Variants in BEND6 observed in about 807,000 individuals in gnomAD.
BEND6 encodes BEN domain-containing protein 6.
A neutral mutation model predicts 31.8 loss-of-function variants in BEND6; 24 were observed. That is an observed-to-expected ratio of 0.75 (90% CI 0.55 to 1.06). The LOEUF (loss-of-function observed/expected upper bound fraction) is 1.06, where lower values mean the gene tolerates loss of function less well. Among genes scored for constraint, BEND6 ranks in the 50% least tolerant of loss-of-function variants. The probability of loss-of-function intolerance (pLI) is 0.00; values close to 1 mark genes in which losing one functional copy is unlikely to be tolerated. For missense variants in BEND6, 294 were observed against 327.4 expected (o/e 0.90, Z 0.79); for synonymous variants, 109 against 114.6 (o/e 0.95, Z 0.31).
chr6:56,975,956 A>T (rs1562539321), intron 1 of BEND6: 1 of 528,446 alleles, frequency 1.9e-6, no homozygotes, highest in East Asian at 5.1e-5. Context: ...CAGAGCATAC[A>T]CAGTCATGGT....
chr6:56,995,639 T>C (rs1234250704), intron 3 of BEND6, among the ~76,000 whole-genome samples: 1 of 152,140 alleles, frequency 6.6e-6, no homozygotes, highest in Non-Finnish European at 1.5e-5. Context: ...ATAACCCCAA[T>C]CTTCACAGGA....
chr6:57,016,212 AT>A (rs1460377716), intron 4 of BEND6, among the ~76,000 whole-genome samples: 2 of 152,172 alleles, frequency 1.3e-5, no homozygotes. Context: ...TTTTGTTAGA[AT>A]CAGGTAGCCT....
At chr6:56,990,249 C>CTTTTTT (rs943959318) in intron 2 of BEND6, among the ~76,000 whole-genome samples, 12 of 110,158 alleles carry the variant, frequency 1.1e-4, no homozygotes, top group Admixed American at 1.9e-4. Context: ...CCACTCGCTT[C>CTTTTTT]TTTTTTTTTT....
chr6:56,996,771 A>G (rs1210199708), intron 3 of BEND6, among the ~76,000 whole-genome samples: 1 of 152,156 alleles, frequency 6.6e-6, no homozygotes, highest in Non-Finnish European at 1.5e-5. Flanking sequence ...TTTGCCTTCA[A>G]AATATTTCTG....
At chr6:56,957,866 C>A (rs1013464426) in intron 1 of BEND6, among the ~76,000 whole-genome samples, 3 of 152,130 alleles carry the variant, frequency 2.0e-5, no homozygotes, top group Admixed American at 6.5e-5. Context: ...CCTTTAGATT[C>A]TCAACCAAAT....
chr6:56,986,810 T>C (rs1826293302), intron 2 of BEND6, among the ~76,000 whole-genome samples: 1 of 152,140 alleles, frequency 6.6e-6, no homozygotes, highest in Non-Finnish European at 1.5e-5. Flanking sequence ...TGTTTCAGGG[T>C]GTCCCTTGGT....
intron 1 of BEND6, among the ~76,000 whole-genome samples, chr6:56,969,768 A>C (rs1459674722): frequency 6.6e-6 from 1 of 151,584 alleles, no homozygotes; most frequent in Non-Finnish European, 1.5e-5. Context: ...GTGGCTTTTG[A>C]ATTCCTGCAT....
intron 1 of BEND6, among the ~76,000 whole-genome samples, chr6:56,964,726 G>A (rs1239710053): frequency 2.0e-5 from 3 of 152,118 alleles, no homozygotes; most frequent in African/African-American, 7.2e-5. Context: ...GTAATTCTTG[G>A]CTTCAAGCAA....
At chr6:56,977,621 T>G (rs2127849229) in intron 1 of BEND6, among the ~76,000 whole-genome samples, 1 of 152,292 alleles carries the variant, frequency 6.6e-6, no homozygotes, top group African/African-American at 2.4e-5. Flanking sequence ...AAAAATAGCT[T>G]TATTGAAACA....
rs1403356718 is a variant in BEND6, at chr6:56,955,321, C to G, written c.-240C>G. The G allele has an allele frequency of 6.6e-6, 1 of 152,230 alleles. No homozygotes were observed. The highest frequency in any genetic ancestry group is 2.4e-5 in the African/African-American group (1 of 41,456). The allele number at this position is 152,230 out of a possible 1,614,324, so 9.4% of individuals were successfully genotyped here. A position where few individuals can be genotyped will look rare whatever the true frequency, so the allele number is the denominator to read the frequency against. ...CCAGCCTCCCTCGGCCAAATTGCTGCGGAGCCCGTCGTCAGGGGGCGCCAA... is the reference window on the plus strand; with the variant it reads ...CCAGCCTCCCTCGGCCAAATTGCTGGGGAGCCCGTCGTCAGGGGGCGCCAA... On this transcript the variant is annotated 5_prime_UTR_variant, in exon 1 of 7. Coordinates refer to ENST00000370746, the MANE Select transcript of BEND6 (RefSeq NM_152731.3).
intron 3 of BEND6, among the ~76,000 whole-genome samples, chr6:57,000,099 G>A (rs188071737): frequency 8.1e-4 from 124 of 152,214 alleles, no homozygotes; most frequent in Admixed American, 1.8e-3. Flanking sequence ...AAGAGACAGC[G>A]ACCATCGAGA....
At chr6:56,980,772 A>G (rs1161447360) in intron 1 of BEND6, among the ~76,000 whole-genome samples, 1 of 152,206 alleles carries the variant, frequency 6.6e-6, no homozygotes, top group Non-Finnish European at 1.5e-5. Flanking sequence ...TAAGGAGCAT[A>G]TGTTACTTTC....
At chr6:57,019,541 T>A (rs796644293) in intron 6 of BEND6, among the ~76,000 whole-genome samples, 17 of 152,288 alleles carry the variant, frequency 1.1e-4, no homozygotes, top group African/African-American at 4.1e-4. Flanking sequence ...TCTGACCATG[T>A]TTTAAATGAG....
intron 1 of BEND6, among the ~76,000 whole-genome samples, chr6:56,955,762 C>G (rs2127833410): frequency 6.6e-6 from 1 of 152,310 alleles, no homozygotes; most frequent in Middle Eastern, 3.4e-3. Flanking sequence ...ATTTAGGGAC[C>G]TGGCAGATGA....
intron 3 of BEND6, chr6:57,008,114 C>T (rs560457971): frequency 1.0e-4 from 73 of 697,804 alleles, no homozygotes; most frequent in Non-Finnish European, 1.6e-4. Context: ...TTAAAAGGGC[C>T]CCAGTACCTT....
intron 1 of BEND6, among the ~76,000 whole-genome samples, chr6:56,957,287 C>G (rs1365775976): frequency 1.4e-4 from 22 of 152,160 alleles, no homozygotes; most frequent in Admixed American, 1.2e-3. Flanking sequence ...ATAGATATTT[C>G]TTTTTAGATG....
At chr6:57,001,018 GA>G (rs981022055) in intron 3 of BEND6, among the ~76,000 whole-genome samples, 1 of 146,188 alleles carries the variant, frequency 6.8e-6, no homozygotes, top group South Asian at 2.2e-4. Flanking sequence ...TTAGGGAAAG[GA>G]AAAAAAAAGA....
chr6:56,965,273 G>A (rs1260772099), intron 1 of BEND6, among the ~76,000 whole-genome samples: 1 of 151,944 alleles, frequency 6.6e-6, no homozygotes, highest in Non-Finnish European at 1.5e-5. Flanking sequence ...GGTAAGACGG[G>A]AACTCCACTT....
intron 3 of BEND6, among the ~76,000 whole-genome samples, chr6:56,994,663 G>T (rs1451101652): frequency 1.3e-5 from 2 of 151,842 alleles, no homozygotes; most frequent in Non-Finnish European, 2.9e-5. Context: ...TAGTAGAAAT[G>T]CTTTACCTAG....
Sources: gnomAD v4.1 joint callset for allele counts (sites outside exome capture counted in the v4.1 genomes callset) on GRCh38, gnomAD v4.1.1 for gene constraint, MANE v1.5 for transcripts, NCBI Gene and HGNC (gene_info 2026-07-23, HGNC 2026-07-21) for gene names.